The following CTNNA2 variants were observed in gnomAD, a reference collection of about 807,000 sequenced individuals.
CTNNA2 encodes the protein catenin alpha-2.
Under a neutral mutation model 101.0 loss-of-function variants are expected in CTNNA2, and 42 were observed. That is an observed-to-expected ratio of 0.42 (90% confidence interval 0.32 to 0.54). The LOEUF (loss-of-function observed/expected upper bound fraction) is 0.54, where lower values mean the gene tolerates loss of function less well. Among genes scored for constraint, CTNNA2 ranks in the 20% least tolerant of loss-of-function variants. The pLI, the probability that CTNNA2 is intolerant of heterozygous loss-of-function variation, is 0.14. For missense variants in CTNNA2, 871 were observed against 1,223.1 expected (o/e 0.71, Z 4.29); for synonymous variants, 450 against 456.4 (o/e 0.99, Z 0.18).
intron 4 of CTNNA2, among the ~76,000 whole-genome samples, chr2:79,402,634 T>C (rs1678302255): frequency 6.6e-6 from 1 of 151,760 alleles, no homozygotes; most frequent in Non-Finnish European, 1.5e-5. Context: ...TACTGCATCA[T>C]AGGTAACTGA....
At chr2:80,564,802 T>C (rs946832930) in intron 12 of CTNNA2, among the ~76,000 whole-genome samples, 1 of 152,110 alleles carries the variant, frequency 6.6e-6, no homozygotes, top group Admixed American at 6.6e-5. Context: ...AGCTGACAAA[T>C]AGCAGCAAAT....
At chr2:79,274,373 A>G (rs1263306840) in intron 2 of CTNNA2, among the ~76,000 whole-genome samples, 2 of 152,068 alleles carry the variant, frequency 1.3e-5, no homozygotes, top group South Asian at 2.1e-4. Context: ...TTTACCCACT[A>G]TCTTATATTT....
At chr2:80,221,887 T>C (rs1248189067) in intron 7 of CTNNA2, among the ~76,000 whole-genome samples, 1 of 152,238 alleles carries the variant, frequency 6.6e-6, no homozygotes, top group Non-Finnish European at 1.5e-5. Flanking sequence ...AATTTAATCA[T>C]GCAGGTTTAA....
chr2:79,823,919 G>A (rs907694517), intron 3 of CTNNA2, among the ~76,000 whole-genome samples: 3 of 152,138 alleles, frequency 2.0e-5, no homozygotes, highest in East Asian at 1.9e-4. Context: ...TGTGTTTACC[G>A]CTGAGGACTG....
chr2:79,971,126 A>G (rs189565113), intron 7 of CTNNA2, among the ~76,000 whole-genome samples: 1 of 152,214 alleles, frequency 6.6e-6, no homozygotes, highest in Non-Finnish European at 1.5e-5. Flanking sequence ...ACTTGTTTCT[A>G]TCCTTCTACC....
chr2:79,377,548 A>T lies in CTNNA2; in HGVS notation c.-135+3535A>T, dbSNP rs72818690. On this transcript the variant is annotated intron_variant, in intron 4 of 21. Coordinates refer to the CTNNA2 transcript ENST00000466387. ...TTGTTCTAGCCTATCTTTTCTAAGG[A>T]TGGTTTTATACAGGCAGTTTTGGGA... Among the ~76,000 whole-genome samples the T allele has an allele frequency of 2.2e-3, 337 of 152,258 alleles. 2 individuals carry two copies. Among genetic ancestry groups the T allele is most frequent in the Non-Finnish European group, 3.7e-3 (250 of 68,006 alleles).
chr2:80,048,773 C>G (rs1344109593), intron 7 of CTNNA2, among the ~76,000 whole-genome samples: 3 of 152,116 alleles, frequency 2.0e-5, no homozygotes, highest in Admixed American at 2.0e-4. Flanking sequence ...GTCAGTAGAA[C>G]TAATGGGAAG....
chr2:80,555,655 T>C (rs1201175457), intron 11 of CTNNA2, 38 bp from the exon 12 acceptor site: 15 of 1,283,036 alleles, frequency 1.2e-5, no homozygotes, highest in Non-Finnish European at 1.6e-5. Flanking sequence ...TTCTGAGTTA[T>C]GTAAAGTCAT....
chr2:80,494,546 G>A (rs1200150411), intron 9 of CTNNA2, among the ~76,000 whole-genome samples: 1 of 152,030 alleles, frequency 6.6e-6, no homozygotes, highest in Non-Finnish European at 1.5e-5. Flanking sequence ...GAGGATTCTT[G>A]TGTGGAGAAG....
intron 2 of CTNNA2, among the ~76,000 whole-genome samples, chr2:79,209,641 T>G (rs536863973): frequency 6.6e-6 from 1 of 152,176 alleles, no homozygotes; most frequent in East Asian, 1.9e-4. Context: ...AGAAATACTT[T>G]CCTGTGTTTG....
In CTNNA2 at chr2:80,575,282, C is replaced by T. The variant is rs1694939421; in HGVS notation, c.1893+968C>T. ...TTGTAACTTAAAATATTCTAGTAAA[C>T]ACACTACAAAAGCAAAAAGATGAAA... On this transcript the variant is annotated intron_variant, in intron 13 of 18. Coordinates refer to ENST00000402739, the MANE Select transcript of CTNNA2 (RefSeq NM_001282597.3). 3 of 152,096 alleles carry T rather than the reference C, an allele frequency of 2.0e-5. No individual in the cohort carries two copies. In the South Asian group the frequency reaches 6.2e-4, roughly 31 times the overall value. 9.4% of individuals were successfully genotyped at this position (152,096 alleles called of 1,614,324 possible).
intron 2 of CTNNA2, among the ~76,000 whole-genome samples, chr2:79,671,637 A>G (rs1216731834): frequency 6.6e-6 from 1 of 152,258 alleles, no homozygotes; most frequent in Non-Finnish European, 1.5e-5. Flanking sequence ...AACAAATGAC[A>G]TAATGCCTGG....
intron 7 of CTNNA2, among the ~76,000 whole-genome samples, chr2:79,968,296 C>T (rs549249195): frequency 3.3e-5 from 5 of 152,216 alleles, no homozygotes; most frequent in South Asian, 2.1e-4. Flanking sequence ...CATTTTCAGT[C>T]TCAGAACCCA....
chr2:79,198,539 T>C (rs1673991705), intron 2 of CTNNA2, among the ~76,000 whole-genome samples: 1 of 152,196 alleles, frequency 6.6e-6, no homozygotes, highest in South Asian at 2.1e-4. Context: ...GTTTACACAG[T>C]AGAATATTAA....
intron 15 of CTNNA2, among the ~76,000 whole-genome samples, chr2:80,602,461 CAG>C (rs1697636818): frequency 1.3e-5 from 2 of 152,028 alleles, no homozygotes; most frequent in Non-Finnish European, 2.9e-5. Context: ...CAGAATCAAA[CAG>C]AATGCAGTCT....
chr2:79,900,933 C>G (rs1350006830), intron 6 of CTNNA2, among the ~76,000 whole-genome samples: 1 of 152,084 alleles, frequency 6.6e-6, no homozygotes, highest in Non-Finnish European at 1.5e-5. Flanking sequence ...GATACACGTA[C>G]TATGTAGCCT....
At chr2:80,211,408 G>A (rs1010126229) in intron 7 of CTNNA2, among the ~76,000 whole-genome samples, 27 of 152,102 alleles carry the variant, frequency 1.8e-4, no homozygotes, top group African/African-American at 6.3e-4. Context: ...GTATAAGAAA[G>A]GGATCCAGTT....
intron 3 of CTNNA2, among the ~76,000 whole-genome samples, chr2:79,338,885 A>T (rs1677067328): frequency 6.6e-6 from 1 of 152,138 alleles, no homozygotes; most frequent in Non-Finnish European, 1.5e-5. Flanking sequence ...GTCTGCTTGC[A>T]TGAATGGCTG....
intron 1 of CTNNA2, among the ~76,000 whole-genome samples, chr2:79,622,175 C>T (rs774944621): frequency 5.9e-5 from 9 of 152,310 alleles, no homozygotes; most frequent in Non-Finnish European, 1.3e-4. Context: ...CGATCTTCAC[C>T]AAAGTTCAAT....
Sources: allele counts gnomAD v4.1 joint callset (sites outside exome capture counted in the v4.1 genomes callset), GRCh38; gene constraint gnomAD v4.1.1; transcripts MANE v1.5; gene names NCBI Gene and HGNC (gene_info 2026-07-23, HGNC 2026-07-21).